The following SIM1 variants were observed in gnomAD, a reference collection of about 807,000 sequenced individuals.
SIM1 encodes the protein SIM bHLH transcription factor 1, also known as single-minded homolog 1.
SIM1 carries 18 observed loss-of-function variants against 78.2 expected under a neutral mutation model. That is an observed-to-expected ratio of 0.23 (90% CI 0.16 to 0.34). SIM1 has a LOEUF of 0.34. Among genes scored for constraint, SIM1 ranks in the 10% least tolerant of loss-of-function variants. SIM1 has a pLI of 1.00. For missense variants in SIM1, 939 were observed against 975.1 expected (o/e 0.96, Z 0.49); for synonymous variants, 417 against 385.2 (o/e 1.08, Z -0.97).
intron 2 of SIM1, among the ~76,000 whole-genome samples, chr6:100,457,283 C>G (rs1772690003): frequency 6.6e-6 from 1 of 152,212 alleles, no homozygotes; most frequent in Non-Finnish European, 1.5e-5. Flanking sequence ...TGCAGTCCTT[C>G]CCGGGAACCT....
Position 100,450,360 on chromosome 6 carries a change from G to C in SIM1, c.259-4C>G. 1 of 1,613,678 alleles carries C rather than the reference G, an allele frequency of 6.2e-7. No individual in the cohort carries two copies. Among genetic ancestry groups the C allele is most frequent in the Non-Finnish European group, 8.5e-7 (1 of 1,179,766 alleles). On this transcript the variant is annotated splice_region_variant and splice_polypyrimidine_tract_variant and intron_variant, in intron 3 of 11. Coordinates refer to ENST00000369208, the MANE Select transcript of SIM1 (RefSeq NM_005068.3). ...CGAAGATGAAGCCATCCAGGGTCTGGGGAGGCACAAATAGAGAGAATAGAG... is the reference window on the plus strand; with the variant it reads ...CGAAGATGAAGCCATCCAGGGTCTGCGGAGGCACAAATAGAGAGAATAGAG...
At chr6:100,406,698 A>G (rs1582614330) in intron 10 of SIM1, among the ~76,000 whole-genome samples, 1 of 152,198 alleles carries the variant, frequency 6.6e-6, no homozygotes, top group African/African-American at 2.4e-5. Context: ...TTACTGCAGT[A>G]TAATTGACTA....
chr6:100,456,310 C>A (rs1772658664), intron 2 of SIM1, among the ~76,000 whole-genome samples: 1 of 152,154 alleles, frequency 6.6e-6, no homozygotes, highest in South Asian at 2.1e-4. Context: ...GTGACGCGCT[C>A]TAGCACACCC....
chr6:100,444,281 T>C (rs955099573), intron 9 of SIM1, among the ~76,000 whole-genome samples: 1 of 152,118 alleles, frequency 6.6e-6, no homozygotes, highest in African/African-American at 2.4e-5. Flanking sequence ...TAGACACTAG[T>C]TCCATTCACC....
rs760221372 is a variant in SIM1 at position 100,390,651 on chromosome 6, A to T, written c.2011T>A (p.Leu671Met). Residue 671 changes from leucine (L) to methionine (M), a missense_variant, in exon 12 of 12, where the codon TTG becomes ATG. Leu to Met is a conservative substitution (Grantham distance 15). This residue lies in a region of SIM1 where 556 missense variants were observed against 521.9 expected (regional missense o/e 1.07). Coordinates refer to ENST00000369208, the MANE Select transcript of SIM1 (RefSeq NM_005068.3). The stretch of plus-strand genomic sequence containing the variant: ...TGCAGATAGTCTTTAGCTAGGATCA[A>T]ACTGGATTTTGAAATGCGATCCGAA... ...PNSDRISKSS[L>M]ILAKDYLHSD... is the part of the protein sequence containing the mutation. The T allele has an allele frequency of 6.2e-7, 1 of 1,614,164 alleles. No individual in the cohort carries two copies. The highest frequency in any genetic ancestry group is 8.5e-7 in the Non-Finnish European group (1 of 1,180,036).
rs773594923 is a variant in SIM1, at chr6:100,448,561, C to T, written c.661G>A (p.Ala221Thr). 6.2e-7 allele frequency: 1 copy of T among 1,614,154 alleles called. No individual in the cohort carries two copies. Among genetic ancestry groups the T allele is most frequent in the Non-Finnish European group, 8.5e-7 (1 of 1,180,038 alleles). The change falls in exon 7 of 12, where the codon GCC becomes ACC. Residue 221 changes from alanine to threonine, a missense_variant. Physicochemically the swap from Ala to Thr is moderately conservative, Grantham distance 58. Coordinates refer to ENST00000369208, the MANE Select transcript of SIM1 (RefSeq NM_005068.3). ...VAVGHSLPPS[A>T]VTEIKLHSNM... ...CTGTGTAGCTTGATCTCCGTGACGG[C>T]GCTGGGAGGCAGCGAGTGGCCCACG...
chr6:100,458,161 C>G (rs1036396165), intron 2 of SIM1, among the ~76,000 whole-genome samples: 1 of 151,980 alleles, frequency 6.6e-6, no homozygotes, highest in African/African-American at 2.4e-5. Flanking sequence ...GAGCCAGCCG[C>G]GAAAAGACGG....
rs571515841 is a variant in SIM1 at position 100,429,527 on chromosome 6, G to T, written c.999-8569C>A. On this transcript the variant is annotated intron_variant, in intron 9 of 11. Transcript: ENST00000369208. ...ATATTATGCAGTTATTAAATATTTT[G>T]ACCCTAATGACATAAAATATACCAC... 3.9e-5 allele frequency among the ~76,000 whole-genome samples: 6 copies of T among 152,024 alleles called. No homozygotes were observed. In the South Asian group the frequency reaches 1.2e-3, roughly 32 times the overall value.
intron 10 of SIM1, among the ~76,000 whole-genome samples, chr6:100,408,603 T>A (rs1228623746): frequency 6.6e-6 from 1 of 152,136 alleles, no homozygotes; most frequent in Non-Finnish European, 1.5e-5. Context: ...ACTAATTTGT[T>A]GAGAGTTTTT....
chr6:100,446,896 ATGTCCTGTT>A, intron 9 of SIM1, among the ~76,000 whole-genome samples: 1 of 152,314 alleles, frequency 6.6e-6, no homozygotes, highest in African/African-American at 2.4e-5. Context: ...AATGAAACAG[ATGTCCTGTT>A]TGTTAACCAT....
chr6:100,448,498 G>A lies in SIM1; in HGVS notation c.724C>T (p.Leu242Phe). The change falls in exon 7 of 12, where the codon CTC becomes TTC. Residue 242 changes from leucine to phenylalanine, a missense_variant. This residue lies in a region of SIM1 where 187 missense variants were observed against 191.6 expected (regional missense o/e 0.98). Transcript: ENST00000369208. Reference sequence around the variant, plus strand: ...ACCCACCTGGAGTCCAGAAAGATGAGCTTCATGTCCAGGCTGGCGCGGAAC... The same window carrying A: ...ACCCACCTGGAGTCCAGAAAGATGAACTTCATGTCCAGGCTGGCGCGGAAC... ...FMFRASLDMKLIFLDSRVAEL... is the reference protein window; with the variant it reads ...FMFRASLDMKFIFLDSRVAEL... 2 of 1,613,992 alleles carry A rather than the reference G, an allele frequency of 1.2e-6. No individual in the cohort carries two copies. The highest frequency in any genetic ancestry group is 1.7e-6 in the Non-Finnish European group (2 of 1,180,006).
chr6:100,432,261 C>T (rs1456625405), intron 9 of SIM1, among the ~76,000 whole-genome samples: 4 of 152,184 alleles, frequency 2.6e-5, no homozygotes, highest in Non-Finnish European at 5.9e-5. Context: ...GCCTCGGAAG[C>T]ACCTGAAGAG....
intron 9 of SIM1, among the ~76,000 whole-genome samples, chr6:100,435,985 C>T (rs1772036114): frequency 6.9e-6 from 1 of 144,366 alleles, no homozygotes; most frequent in Admixed American, 7.1e-5. Context: ...AACTCCCTTA[C>T]CATACACATC....
At chr6:100,452,109 G>A (rs1038921360) in intron 3 of SIM1, among the ~76,000 whole-genome samples, 1 of 152,220 alleles carries the variant, frequency 6.6e-6, no homozygotes, top group African/African-American at 2.4e-5. Context: ...CAGGCAGAGA[G>A]AGAGAAGAAT....
chr6:100,447,700 G>A (rs1280369757), intron 8 of SIM1, among the ~76,000 whole-genome samples: 1 of 152,202 alleles, frequency 6.6e-6, no homozygotes, highest in Non-Finnish European at 1.5e-5. Flanking sequence ...CTCCAGATTC[G>A]CTTTTCTAAC....
intron 3 of SIM1, 33 bp from the exon 4 acceptor site, chr6:100,450,389 C>G (rs778741567): frequency 6.3e-7 from 1 of 1,587,012 alleles, no homozygotes; most frequent in Non-Finnish European, 8.6e-7. Context: ...AATAGAGAGC[C>G]CTCTGGGCCA....
chr6:100,404,541 T>A (rs1187898858), intron 10 of SIM1, among the ~76,000 whole-genome samples: 1 of 152,158 alleles, frequency 6.6e-6, no homozygotes, highest in African/African-American at 2.4e-5. Flanking sequence ...AAATCACTTT[T>A]ATCTTTTTTT....
At chr6:100,423,863 C>G (rs138925804) in intron 9 of SIM1, among the ~76,000 whole-genome samples, 1 of 152,324 alleles carries the variant, frequency 6.6e-6, no homozygotes, top group Non-Finnish European at 1.5e-5. Flanking sequence ...CACTTCCGTT[C>G]ATTGGACAAT....
Position 100,464,758 on chromosome 6 carries a change from A to G in SIM1, c.-612T>C, listed in dbSNP as rs1029175665. Reference sequence around the variant, plus strand: ...GAGCATTCCCGGCTCCCTTTTCTGGATCATGAATTGGAGGAGGGGTGCGTG... The same window carrying G: ...GAGCATTCCCGGCTCCCTTTTCTGGGTCATGAATTGGAGGAGGGGTGCGTG... On this transcript the variant is annotated 5_prime_UTR_variant, in exon 1 of 12. Transcript: ENST00000369208. The G allele has an allele frequency of 2.6e-5, 4 of 152,202 alleles. No individual in the cohort carries two copies. Among genetic ancestry groups the G allele is most frequent in the African/African-American group, 7.2e-5 (3 of 41,416 alleles). 9.4% of individuals were successfully genotyped at this position (152,202 alleles called of 1,614,324 possible).
Sources: allele counts gnomAD v4.1 joint callset (sites outside exome capture counted in the v4.1 genomes callset), GRCh38; gene constraint gnomAD v4.1.1; regional missense constraint gnomAD v4.1.1; transcripts MANE v1.5; gene names NCBI Gene and HGNC (gene_info 2026-07-23, HGNC 2026-07-21).